Variants in RAD18 observed in about 807,000 individuals in gnomAD.
The protein encoded by RAD18 is E3 ubiquitin-protein ligase RAD18.
A neutral mutation model predicts 60.4 loss-of-function variants in RAD18; 47 were observed. That is an observed-to-expected ratio of 0.78 (90% CI 0.62 to 0.99). The LOEUF is 0.99. Ranked by LOEUF, RAD18 falls within the 50% of genes least tolerant of loss-of-function variation. RAD18 has a pLI of 0.00. For missense variants in RAD18, 640 were observed against 593.3 expected (o/e 1.08, Z -0.82); for synonymous variants, 225 against 195.5 (o/e 1.15, Z -1.26).
intron 8 of RAD18, among the ~76,000 whole-genome samples, chr3:8,913,316 T>C (rs189298677): frequency 1.3e-5 from 2 of 152,328 alleles, no homozygotes; most frequent in Non-Finnish European, 2.9e-5. Context: ...TAGAGGTCCC[T>C]AGCAGTAGCT....
chr3:8,894,014 C>G (rs1939742794), intron 11 of RAD18, among the ~76,000 whole-genome samples: 1 of 152,062 alleles, frequency 6.6e-6, no homozygotes. Flanking sequence ...CTTTAATTCA[C>G]AGAAGCACCC....
At chr3:8,944,850 T>C (rs941205489) in intron 4 of RAD18, among the ~76,000 whole-genome samples, 1 of 152,206 alleles carries the variant, frequency 6.6e-6, no homozygotes, top group Non-Finnish European at 1.5e-5. Context: ...GCAATGCTTG[T>C]TCTGATCAGA....
At chr3:8,906,934 T>G (rs188673480) in intron 9 of RAD18, among the ~76,000 whole-genome samples, 49 of 152,350 alleles carry the variant, frequency 3.2e-4, no homozygotes, top group African/African-American at 1.1e-3. Flanking sequence ...TTCCAAATAT[T>G]TGGTGACTTT....
chr3:8,952,861 A>C (rs1940948594), intron 2 of RAD18, among the ~76,000 whole-genome samples: 1 of 152,190 alleles, frequency 6.6e-6, no homozygotes, highest in Non-Finnish European at 1.5e-5. Context: ...GACTCTTAAT[A>C]TATTAATTAT....
intron 2 of RAD18, among the ~76,000 whole-genome samples, chr3:8,950,891 G>A (rs1360178877): frequency 1.3e-5 from 2 of 152,276 alleles, no homozygotes; most frequent in South Asian, 2.1e-4. Context: ...CCTTTGATAG[G>A]TTCATTAATA....
intron 9 of RAD18, among the ~76,000 whole-genome samples, chr3:8,906,343 T>C (rs150682723): frequency 6.6e-6 from 1 of 152,284 alleles, no homozygotes; most frequent in Non-Finnish European, 1.5e-5. Flanking sequence ...AACCCTCCCT[T>C]GACCCAACAC....
intron 11 of RAD18, 105 bp from the exon 12 acceptor site, chr3:8,890,556 C>A: frequency 1.3e-6 from 1 of 789,002 alleles, no homozygotes; most frequent in Non-Finnish European, 2.0e-6. Context: ...TGACAGAAAG[C>A]AAACCAGTGG....
At chr3:8,960,060 C>T (rs1225173260) in intron 1 of RAD18, among the ~76,000 whole-genome samples, 2 of 152,106 alleles carry the variant, frequency 1.3e-5, no homozygotes, top group African/African-American at 2.4e-5. Context: ...GTAATCCTAG[C>T]ACTTTGGGAG....
chr3:8,889,012 T>C (rs1939633919), intron 12 of RAD18, among the ~76,000 whole-genome samples: 1 of 152,186 alleles, frequency 6.6e-6, no homozygotes, highest in African/African-American at 2.4e-5. Context: ...CAAAGTTAAA[T>C]AATGCTTAGG....
Position 8,958,935 on chromosome 3 carries a change from G to A in RAD18, c.118C>T (p.Gln40Ter). 1 of 1,612,892 alleles carries A rather than the reference G, an allele frequency of 6.2e-7. No individual in the cohort carries two copies. Among genetic ancestry groups the A allele is most frequent in the East Asian group, 2.2e-5 (1 of 44,830 alleles). Residue 40 changes from glutamine to a stop codon, truncating the protein, a stop_gained, in exon 2 of 13, where the codon CAG becomes TAG. Coordinates refer to ENST00000264926, the MANE Select transcript of RAD18 (RefSeq NM_020165.4). LOFTEE classifies it high-confidence loss of function. ...ACATACTTACAGTTATGTGAACACT[G>A]AGGTATTATCATTGCAATGTTGAAA... ...EYFNIAMIIP[Q>*]CSHNYCSLCI... is the part of the protein sequence containing the mutation.
At chr3:8,935,847 T>A (rs1487972865) in intron 7 of RAD18, 24 bp downstream of exon 7, 2 of 1,511,804 alleles carry the variant, frequency 1.3e-6, no homozygotes, top group African/African-American at 1.4e-5. Flanking sequence ...AAAGTAAGCA[T>A]AACTCACTGT....
At chr3:8,902,760 C>T (rs45525838) in intron 9 of RAD18, among the ~76,000 whole-genome samples, 21,197 of 151,934 alleles carry the variant, frequency 0.14, 1,810 homozygotes, top group East Asian at 0.23. Context: ...GGTGTGGTAT[C>T]ACATGCCTGT....
rs764077543 is a variant in RAD18, at chr3:8,902,361, TTTAA to T, written c.1168+15_1168+18del. On this transcript the variant is annotated intron_variant, in intron 10 of 12. Coordinates refer to ENST00000264926, the MANE Select transcript of RAD18 (RefSeq NM_020165.4). The stretch of plus-strand genomic sequence containing the variant: ...TAATGAAATTCGACATATGTCTGTT[TTTAA>T]TTATAGTCTCTTACCCATGCATACA... The T allele has an allele frequency of 3.3e-6, 5 of 1,499,540 alleles. No individual in the cohort carries two copies. The highest frequency in any genetic ancestry group is 2.5e-5 in the Admixed American group (1 of 40,500). 92.9% of individuals were successfully genotyped at this position (1,499,540 alleles called of 1,614,324 possible).
intron 6 of RAD18, among the ~76,000 whole-genome samples, chr3:8,937,586 C>A (rs1233472356): frequency 6.6e-6 from 1 of 151,406 alleles, no homozygotes; most frequent in East Asian, 1.9e-4. Context: ...ACTCACAGGG[C>A]CTTTTCTCTA....
intron 7 of RAD18, among the ~76,000 whole-genome samples, chr3:8,922,338 T>C (rs1940337752): frequency 6.6e-6 from 1 of 152,194 alleles, no homozygotes. Context: ...CCTCGCTCAT[T>C]GCTAGCACAG....
At chr3:8,956,750 T>TTAAAAAAAAAAAA (rs763112218) in intron 2 of RAD18, among the ~76,000 whole-genome samples, 7 of 137,792 alleles carry the variant, frequency 5.1e-5, no homozygotes, top group African/African-American at 2.2e-4. Flanking sequence ...ATTCATGATT[T>TTAAAAAAAAAAAA]AAAAAAAAAA....
At chr3:8,921,202 T>C (rs1348890684) in intron 7 of RAD18, among the ~76,000 whole-genome samples, 1 of 152,250 alleles carries the variant, frequency 6.6e-6, no homozygotes, top group African/African-American at 2.4e-5. Flanking sequence ...TAGGTGGATC[T>C]GTACAAAGGG....
intron 7 of RAD18, among the ~76,000 whole-genome samples, chr3:8,919,252 G>A (rs1186615228): frequency 6.6e-6 from 1 of 152,024 alleles, no homozygotes; most frequent in Non-Finnish European, 1.5e-5. Flanking sequence ...TAAACAAGAT[G>A]ACTTCCTGCT....
intron 4 of RAD18, among the ~76,000 whole-genome samples, chr3:8,943,738 T>C (rs1301930930): frequency 2.0e-5 from 3 of 151,990 alleles, no homozygotes; most frequent in Non-Finnish European, 4.4e-5. Flanking sequence ...CTCCAAATGT[T>C]AAGAAATAAA....
Sources: allele counts gnomAD v4.1 joint callset (sites outside exome capture counted in the v4.1 genomes callset), GRCh38; gene constraint gnomAD v4.1.1; transcripts MANE v1.5; gene names NCBI Gene and HGNC (gene_info 2026-07-23, HGNC 2026-07-21).